The following TMEM232 variants were observed in gnomAD, a reference collection of about 807,000 sequenced individuals.
TMEM232 encodes transmembrane protein 232.
Under a neutral mutation model 78.8 loss-of-function variants are expected in TMEM232, and 80 were observed. That is an observed-to-expected ratio of 1.01 (90% CI 0.85 to 1.22). TMEM232 has a LOEUF of 1.22. Ranked by LOEUF, TMEM232 falls within the 50% of genes most tolerant of loss-of-function variation. The probability of loss-of-function intolerance (pLI) is 0.00; values close to 1 mark genes in which losing one functional copy is unlikely to be tolerated. For synonymous variants in TMEM232, 297 were observed against 254.3 expected (o/e 1.17, Z -1.60); for missense variants, 881 against 742.2 (o/e 1.19, Z -2.17).
intron 2 of TMEM232, among the ~76,000 whole-genome samples, chr5:110,732,869 A>G (rs1052378372): frequency 1.3e-5 from 2 of 152,248 alleles, no homozygotes; most frequent in African/African-American, 4.8e-5. Context: ...GTAAAATAAT[A>G]GCAGAGAAAA....
At chr5:110,440,770 C>T (rs1280598030) in intron 12 of TMEM232, among the ~76,000 whole-genome samples, 1 of 152,122 alleles carries the variant, frequency 6.6e-6, no homozygotes, top group African/African-American at 2.4e-5. Flanking sequence ...TATCTTCTTG[C>T]CTCTGGTGCT....
chr5:110,686,263 A>G lies in TMEM232; in HGVS notation c.-12-18899T>C, dbSNP rs1221155789. On this transcript the variant is annotated intron_variant, in intron 1 of 13. Transcript: ENST00000455884. ...ACTTCAGAGGCCAAACTACTAAAAC[A>G]GCCTTACAGTTTGCTCCTGGGTCTC... Among the ~76,000 whole-genome samples, 3 of 152,070 alleles carry G rather than the reference A, an allele frequency of 2.0e-5. No individual in the cohort carries two copies. The South Asian group carries it at 6.2e-4, about 31-fold the overall frequency.
chr5:110,404,002 AT>A (rs2112572575), intron 2 of TMEM232, among the ~76,000 whole-genome samples: 1 of 151,666 alleles, frequency 6.6e-6, no homozygotes, highest in East Asian at 1.9e-4. Flanking sequence ...TTTTCAATGA[AT>A]TTTCCTTCTT....
intron 12 of TMEM232, among the ~76,000 whole-genome samples, chr5:110,466,898 T>TTGTGTG (rs36031837): frequency 2.0e-5 from 3 of 149,660 alleles, no homozygotes; most frequent in African/African-American, 4.9e-5. Flanking sequence ...ACTATAGTAT[T>TTGTGTG]TGTGTGTGTG....
At chr5:110,519,951 T>G (rs1466472254) in intron 12 of TMEM232, among the ~76,000 whole-genome samples, 1 of 150,682 alleles carries the variant, frequency 6.6e-6, no homozygotes, top group African/African-American at 2.4e-5. Flanking sequence ...AATAGAATGA[T>G]GGCTACTAGA....
chr5:110,684,217 A>AAAAGAAAAAGAATAAT (rs1793115954), intron 1 of TMEM232, among the ~76,000 whole-genome samples: 1 of 151,972 alleles, frequency 6.6e-6, no homozygotes, highest in Non-Finnish European at 1.5e-5. Context: ...GTCAAGAATA[A>AAAAGAAAAAGAATAAT]CCTTAAAAAG....
chr5:110,395,195 T>C (rs1755339531), intron 3 of TMEM232, among the ~76,000 whole-genome samples: 1 of 152,122 alleles, frequency 6.6e-6, no homozygotes, highest in Admixed American at 6.6e-5. Context: ...GCTCTCTTTC[T>C]AGAAGTTTAA....
chr5:110,532,662 T>C (rs1771705176), intron 11 of TMEM232, among the ~76,000 whole-genome samples: 1 of 151,982 alleles, frequency 6.6e-6, no homozygotes, highest in Admixed American at 6.6e-5. Flanking sequence ...TACAGCTATA[T>C]CTCATTGCTA....
chr5:110,711,449 GC>G (rs1796467718), intron 1 of TMEM232, among the ~76,000 whole-genome samples: 2 of 151,978 alleles, frequency 1.3e-5, no homozygotes, highest in South Asian at 4.2e-4. Context: ...ACCCAGAACG[GC>G]CAAAGCTATT....
At chr5:110,643,917 C>G (rs979473422) in intron 2 of TMEM232, among the ~76,000 whole-genome samples, 1 of 151,938 alleles carries the variant, frequency 6.6e-6, no homozygotes, top group Non-Finnish European at 1.5e-5. Flanking sequence ...CCTTTAACTG[C>G]TATTTTTTAA....
chr5:110,476,695 T>C (rs1763293027), intron 12 of TMEM232, among the ~76,000 whole-genome samples: 1 of 152,056 alleles, frequency 6.6e-6, no homozygotes, highest in Non-Finnish European at 1.5e-5. Context: ...AACAACCTAA[T>C]GACAAACAGT....
chr5:110,606,399 C>T lies in TMEM232; in HGVS notation c.903-112G>A, dbSNP rs761349743. 3.8e-4 allele frequency: 401 copies of T among 1,067,478 alleles called. 2 individuals are homozygous for T. Among genetic ancestry groups the T allele is most frequent in the Non-Finnish European group, 4.9e-4 (384 of 776,350 alleles). 66.1% of individuals were successfully genotyped at this position (1,067,478 alleles called of 1,614,324 possible). On this transcript the variant is annotated intron_variant, in intron 8 of 13. Transcript: ENST00000455884. ...CAGAGGAAATGCATGTCTGCATTAC[C>T]AGATACATTTATTTTCAATAAAGAT...
At chr5:110,451,377 A>G (rs1315928076) in intron 12 of TMEM232, among the ~76,000 whole-genome samples, 2 of 152,118 alleles carry the variant, frequency 1.3e-5, no homozygotes, top group Non-Finnish European at 2.9e-5. Flanking sequence ...TTTTTAATGA[A>G]TCCTGTTATT....
chr5:110,591,742 G>A (rs1026990510), intron 10 of TMEM232, among the ~76,000 whole-genome samples: 1 of 151,790 alleles, frequency 6.6e-6, no homozygotes, highest in Non-Finnish European at 1.5e-5. Flanking sequence ...ATTAAAATAC[G>A]GTATGAGTTC....
At chr5:110,466,898 T>TTGTGTGTGTG (rs36031837) in intron 12 of TMEM232, among the ~76,000 whole-genome samples, 1 of 149,660 alleles carries the variant, frequency 6.7e-6, no homozygotes, top group East Asian at 2.0e-4. Context: ...ACTATAGTAT[T>TTGTGTGTGTG]TGTGTGTGTG....
At chr5:110,610,829 T>C (rs11960857) in intron 8 of TMEM232, among the ~76,000 whole-genome samples, 3,031 of 152,200 alleles carry the variant, frequency 0.02, 91 homozygotes, top group African/African-American at 0.07. Context: ...CCAGATAAAA[T>C]GTACATCATA....
At chr5:110,401,443 G>A (rs925599443) in intron 2 of TMEM232, among the ~76,000 whole-genome samples, 2 of 151,856 alleles carry the variant, frequency 1.3e-5, no homozygotes, top group African/African-American at 4.8e-5. Context: ...AAAGTGTATC[G>A]ACATACCCTC....
chr5:110,595,937 T>TA (rs1469174245), intron 10 of TMEM232, among the ~76,000 whole-genome samples: 4 of 152,094 alleles, frequency 2.6e-5, no homozygotes, highest in Admixed American at 2.6e-4. Flanking sequence ...ACCACTAAGA[T>TA]ACTCCTCGAG....
At chr5:110,429,503 G>C (rs1757595212) in intron 12 of TMEM232, among the ~76,000 whole-genome samples, 1 of 151,738 alleles carries the variant, frequency 6.6e-6, no homozygotes, top group Admixed American at 6.6e-5. Flanking sequence ...TATTCCCCAG[G>C]AGCAGGAGAC....
Sources: allele counts gnomAD v4.1 joint callset (sites outside exome capture counted in the v4.1 genomes callset), GRCh38; gene constraint gnomAD v4.1.1; transcripts MANE v1.5; gene names NCBI Gene and HGNC (gene_info 2026-07-23, HGNC 2026-07-21).